Variants in PLA2G4C observed in about 807,000 individuals in gnomAD.
PLA2G4C encodes cytosolic phospholipase A2 gamma.
Under a neutral mutation model 73.8 loss-of-function variants are expected in PLA2G4C, and 64 were observed. The ratio of observed to expected loss-of-function variants is 0.87; its 90% confidence interval spans 0.71 to 1.07. The LOEUF is 1.07. PLA2G4C is among the 50% of genes least tolerant of loss of function. The pLI is 0.00. For synonymous variants in PLA2G4C, 254 were observed against 252.1 expected, an observed-to-expected ratio of 1.01 and a Z score of -0.07; for missense variants, 622 against 665.4, an observed-to-expected ratio of 0.93 and a Z score of 0.72.
chr19:48,088,955 C>T (rs1031687679), intron 8 of PLA2G4C, among the ~76,000 whole-genome samples: 1 of 152,208 alleles, frequency 6.6e-6, no homozygotes, highest in Non-Finnish European at 1.5e-5. Context: ...CAGGAATTGG[C>T]AAACACTACA....
chr19:48,075,971 G>A lies in PLA2G4C; in HGVS notation c.899-1097C>T, dbSNP rs565302984. Among the ~76,000 whole-genome samples, 76 of 152,320 alleles carry A rather than the reference G, an allele frequency of 5.0e-4. 1 individual carries two copies. Among genetic ancestry groups the A allele is most frequent in the African/African-American group, 1.4e-3 (60 of 41,578 alleles). On this transcript the variant is annotated intron_variant, in intron 11 of 16. Coordinates refer to ENST00000599921, the MANE Select transcript of PLA2G4C (RefSeq NM_003706.3). ...ATGTCAAAAAACAACATTAAAGCCC[G>A]CCATGTGGCAAGAAGTTGGCTCTCT...
intron 13 of PLA2G4C, among the ~76,000 whole-genome samples, chr19:48,066,735 T>C (rs1968438024): frequency 6.6e-6 from 1 of 151,596 alleles, no homozygotes; most frequent in South Asian, 2.1e-4. Flanking sequence ...GAGGCTGAGG[T>C]GGGAGGATCG....
intron 12 of PLA2G4C, chr19:48,074,505 T>C (rs1334482320): frequency 6.2e-6 from 3 of 485,292 alleles, no homozygotes; most frequent in Non-Finnish European, 1.1e-5. Context: ...TACCCAGTAA[T>C]GGGATTGCTG....
intron 4 of PLA2G4C, among the ~76,000 whole-genome samples, chr19:48,102,699 T>G (rs979980451): frequency 3.3e-5 from 5 of 152,200 alleles, no homozygotes; most frequent in Non-Finnish European, 7.3e-5. Context: ...AAAAAACATT[T>G]GACTCTGATG....
At chr19:48,064,861 A>G (rs1276657719) in intron 13 of PLA2G4C, 1 of 152,236 alleles carries the variant, frequency 6.6e-6, no homozygotes. Context: ...GAGAGTCCTC[A>G]GAAAGAACTC....
intron 1 of PLA2G4C, chr19:48,108,676 C>T (rs1224242148): frequency 6.6e-6 from 1 of 152,282 alleles, no homozygotes; most frequent in Non-Finnish European, 1.5e-5. Flanking sequence ...TGGCTGTAAT[C>T]CCAGCACCTT....
intron 13 of PLA2G4C, among the ~76,000 whole-genome samples, chr19:48,066,527 G>A (rs1210019226): frequency 6.6e-6 from 1 of 152,006 alleles, no homozygotes; most frequent in Non-Finnish European, 1.5e-5. Context: ...ATCCAGCCAG[G>A]GTTCCCTTCC....
Position 48,048,130 on chromosome 19 carries a change from C to T in PLA2G4C, c.*213G>A. 1.9e-6 allele frequency: 1 copy of T among 532,604 alleles called. No homozygotes were observed. Among genetic ancestry groups the T allele is most frequent in the Non-Finnish European group, 3.3e-6 (1 of 307,390 alleles). The allele number at this position is 532,604 out of a possible 1,614,324, so 33.0% of individuals were successfully genotyped here. A position where few individuals can be genotyped will look rare whatever the true frequency, so the allele number is the denominator to read the frequency against. ...CCCGAGGGACCTGCAGGACAAATTT[C>T]ACCACCTTCAGCTCCTTGGACGCCT... On this transcript the variant is annotated 3_prime_UTR_variant, in exon 17 of 17. Coordinates refer to ENST00000599921, the MANE Select transcript of PLA2G4C (RefSeq NM_003706.3).
intron 1 of PLA2G4C, among the ~76,000 whole-genome samples, chr19:48,109,658 A>T (rs982879974): frequency 1.1e-4 from 16 of 147,574 alleles, no homozygotes; most frequent in Admixed American, 2.0e-4. Context: ...ATTTTATTTT[A>T]TTTTTTTTTG....
chr19:48,065,687 C>T (rs889987788), intron 13 of PLA2G4C, among the ~76,000 whole-genome samples: 1 of 151,780 alleles, frequency 6.6e-6, no homozygotes, highest in East Asian at 1.9e-4. Context: ...GAGTTATTAG[C>T]AATAGAAAGG....
chr19:48,069,154 T>G (rs955689629), intron 12 of PLA2G4C, among the ~76,000 whole-genome samples: 1 of 152,002 alleles, frequency 6.6e-6, no homozygotes, highest in Non-Finnish European at 1.5e-5. Context: ...TGGGAAAGGT[T>G]GGCATACAGG....
intron 7 of PLA2G4C, among the ~76,000 whole-genome samples, chr19:48,093,307 T>C (rs902406101): frequency 6.6e-6 from 1 of 152,176 alleles, no homozygotes; most frequent in Non-Finnish European, 1.5e-5. Flanking sequence ...GGTGTAATTC[T>C]TCTTCATCCA....
intron 6 of PLA2G4C, 104 bp from the exon 7 acceptor site, chr19:48,095,708 G>T: frequency 8.3e-7 from 1 of 1,209,114 alleles, no homozygotes; most frequent in African/African-American, 1.5e-5. Flanking sequence ...AACCATGACA[G>T]GAGAATGTTA....
At chr19:48,060,496 T>C (rs1968129839) in intron 14 of PLA2G4C, among the ~76,000 whole-genome samples, 5 of 152,096 alleles carry the variant, frequency 3.3e-5, no homozygotes, top group Admixed American at 2.0e-4. Flanking sequence ...CAGATAAGCA[T>C]TGTTGTTAAT....
chr19:48,076,154 G>T (rs2030139688), intron 11 of PLA2G4C, among the ~76,000 whole-genome samples: 1 of 152,194 alleles, frequency 6.6e-6, no homozygotes, highest in South Asian at 2.1e-4. Context: ...AAACAGGGAG[G>T]GAGGCATGAA....
chr19:48,091,695 C>T (rs1335342545), intron 7 of PLA2G4C, among the ~76,000 whole-genome samples: 2 of 151,796 alleles, frequency 1.3e-5, no homozygotes, highest in East Asian at 1.9e-4. Flanking sequence ...TTAAAGTCAG[C>T]CTGGCTAACA....
At position 48,110,590 on chromosome 19, in the gene PLA2G4C, C is replaced by T; in HGVS notation, c.-136G>A. ...TGCGCTTAGCGGTGTAGTCGCTGGA[C>T]AGCTCCTTCAGCCGGAATCTCCGCG... On this transcript the variant is annotated 5_prime_UTR_variant, in exon 1 of 17. Transcript: ENST00000599921. The T allele has an allele frequency of 7.6e-7, 1 of 1,310,798 alleles. No individual in the cohort carries two copies. The highest frequency in any genetic ancestry group is 1.0e-6 in the Non-Finnish European group (1 of 971,460). 81.2% of individuals were successfully genotyped at this position (1,310,798 alleles called of 1,614,324 possible). A position where few individuals can be genotyped will look rare whatever the true frequency, so the allele number is the denominator to read the frequency against.
chr19:48,058,591 G>A (rs1968049806), intron 14 of PLA2G4C, among the ~76,000 whole-genome samples: 1 of 152,112 alleles, frequency 6.6e-6, no homozygotes, highest in Admixed American at 6.5e-5. Context: ...GCTGAGGTGG[G>A]CGGATCACCT....
intron 16 of PLA2G4C, among the ~76,000 whole-genome samples, chr19:48,049,524 C>T (rs1373793730): frequency 6.6e-6 from 1 of 152,144 alleles, no homozygotes; most frequent in Non-Finnish European, 1.5e-5. Context: ...GTACATTCTA[C>T]AAGAGCAAGA....
Sources: allele counts gnomAD v4.1 joint callset (sites outside exome capture counted in the v4.1 genomes callset), GRCh38; gene constraint gnomAD v4.1.1; transcripts MANE v1.5; gene names NCBI Gene and HGNC (gene_info 2026-07-23, HGNC 2026-07-21).